Variants in TECPR2 observed in about 807,000 individuals in gnomAD.
TECPR2 encodes the protein tectonin beta-propeller repeat-containing protein 2.
Under a neutral mutation model 138.1 loss-of-function variants are expected in TECPR2, and 65 were observed. The ratio of observed to expected loss-of-function variants is 0.47; its 90% CI spans 0.39 to 0.58. TECPR2 has a LOEUF of 0.58. Among genes scored for constraint, TECPR2 ranks in the 20% least tolerant of loss-of-function variants. TECPR2 has a pLI of 0.00. For synonymous variants in TECPR2, 746 were observed against 749.8 expected (o/e 0.99, Z 0.08); for missense variants, 1,553 against 1,824.5 (o/e 0.85, Z 2.71).
rs1379662575 is a variant in TECPR2 at position 102,425,073 on chromosome 14, G to A, written c.733G>A (p.Ala245Thr). The change falls in exon 6 of 20, where the codon GCT becomes ACT. Residue 245 changes from alanine to threonine, a missense_variant. Transcript: ENST00000359520. ...ASRPGLRLWKADVHGTVQATF... is the reference protein window; with the variant it reads ...ASRPGLRLWKTDVHGTVQATF... ...ACGGCCCGGGCTCCGGCTATGGAAG[G>A]CTGATGTCCACGGGACTGTTCAAGC... The A allele has an allele frequency of 6.2e-7, 1 of 1,614,152 alleles. No homozygotes were observed. The highest frequency in any genetic ancestry group is 1.7e-5 in the Admixed American group (1 of 60,016).
intron 17 of TECPR2, among the ~76,000 whole-genome samples, chr14:102,489,703 C>CA (rs35017559): frequency 0.38 from 51,409 of 133,976 alleles, 10,012 homozygotes; most frequent in African/African-American, 0.45. Context: ...AAAACTGTGT[C>CA]AAAAAAAAAA....
intron 2 of TECPR2, among the ~76,000 whole-genome samples, chr14:102,387,200 T>A (rs1185301959): frequency 2.0e-5 from 3 of 152,238 alleles, no homozygotes; most frequent in Admixed American, 6.5e-5. Context: ...GCAGACCTTT[T>A]CTGTGGTAAA....
At chr14:102,371,509 C>G (rs954946593) in intron 1 of TECPR2, among the ~76,000 whole-genome samples, 1 of 152,184 alleles carries the variant, frequency 6.6e-6, no homozygotes, top group South Asian at 2.1e-4. Flanking sequence ...AGCATGGATT[C>G]TCTTCTGCCC....
chr14:102,376,978 G>A (rs972745889), intron 2 of TECPR2, 38 bp downstream of exon 2: 9 of 1,585,612 alleles, frequency 5.7e-6, no homozygotes, highest in Non-Finnish European at 7.7e-6. Context: ...GGGGGCACGA[G>A]CCATAGCTGA....
Position 102,438,014 on chromosome 14 carries a change from C to T in TECPR2, c.2395-8C>T. The T allele has an allele frequency of 6.2e-7, 1 of 1,612,782 alleles. No individual in the cohort carries two copies. Among genetic ancestry groups the T allele is most frequent in the East Asian group, 2.2e-5 (1 of 44,856 alleles). ...TGCCACAGAACTCACTGGCTCTTCC[C>T]TTGTTAGTTTGCAGAAAGCTGGATG... On this transcript the variant is annotated splice_region_variant and splice_polypyrimidine_tract_variant and intron_variant, in intron 9 of 19. Transcript: ENST00000359520.
chr14:102,371,036 A>T (rs568133534), intron 1 of TECPR2, among the ~76,000 whole-genome samples: 46 of 152,302 alleles, frequency 3.0e-4, no homozygotes, highest in African/African-American at 1.1e-3. Flanking sequence ...CCCATTTCAG[A>T]TGGTAATTGG....
In TECPR2 at chr14:102,428,267, G is replaced by A. The variant is rs2139721346; in HGVS notation, c.969G>A (p.Leu323=). 1 of 753,246 alleles carries A rather than the reference G, an allele frequency of 1.3e-6. No individual in the cohort carries two copies. The highest frequency in any genetic ancestry group is 4.0e-5 in the East Asian group (1 of 24,954). The allele number at this position is 753,246 out of a possible 1,614,324, so 46.7% of individuals were successfully genotyped here. A position where few individuals can be genotyped will look rare whatever the true frequency, so the allele number is the denominator to read the frequency against. Residue 323 remains leucine, a synonymous_variant, in exon 7 of 20, where the codon TTG becomes TTA. Transcript: ENST00000359520. ...TTTGACAGGCCACAGTTGCTGGTTT[G>A]GAAGGATCCGGTGATATTGTGTCTG... ...DTVNQATVAG[L]EGSGDIVSVS... is the part of the protein sequence containing the mutation.
At chr14:102,455,510 G>A (rs138340720) in intron 16 of TECPR2, among the ~76,000 whole-genome samples, 4,146 of 152,226 alleles carry the variant, frequency 0.027, 76 homozygotes, top group Middle Eastern at 0.088. Flanking sequence ...GCAGTGGCAC[G>A]ATCTTGGCTC....
At chr14:102,369,958 AAAAT>A (rs1309324766) in intron 1 of TECPR2, among the ~76,000 whole-genome samples, 3 of 152,174 alleles carry the variant, frequency 2.0e-5, no homozygotes, top group East Asian at 2.0e-4. Flanking sequence ...CTGTCTCAAA[AAAAT>A]AAATAAACAA....
At chr14:102,373,995 C>A (rs867703712) in intron 1 of TECPR2, among the ~76,000 whole-genome samples, 7 of 151,060 alleles carry the variant, frequency 4.6e-5, no homozygotes, top group South Asian at 4.2e-4. Flanking sequence ...GCAGAAGAAC[C>A]CAGGAGGCGA....
intron 1 of TECPR2, among the ~76,000 whole-genome samples, chr14:102,372,984 G>A (rs1887545436): frequency 6.6e-6 from 1 of 152,098 alleles, no homozygotes; most frequent in East Asian, 1.9e-4. Flanking sequence ...TTTTTAAAAA[G>A]TTAAATAAAT....
Position 102,443,765 on chromosome 14 carries a change from G to A in TECPR2, c.2871G>A (p.Leu957=), listed in dbSNP as rs770910435. The A allele has an allele frequency of 2.9e-5, 46 of 1,610,024 alleles. No homozygotes were observed. The highest frequency in any genetic ancestry group is 3.7e-5 in the Non-Finnish European group (43 of 1,177,120). Residue 957 remains leucine, a synonymous_variant, in exon 12 of 20, where the codon CTG becomes CTA. Transcript: ENST00000359520. This position sits in a 1 kb window ranked among gnomAD's most constrained non-coding sequence, Gnocchi z 4.9. ...VWALTEQRAL[L]YREGVSSFCP... The stretch of plus-strand genomic sequence containing the variant: ...CGCTGACAGAGCAGAGGGCCCTCCT[G>A]TACCGGGAGGGCGTGAGCAGCTTCT...
chr14:102,459,837 G>A lies in TECPR2; in HGVS notation c.3641-5304G>A, dbSNP rs552761026. The stretch of plus-strand genomic sequence containing the variant: ...TTCAGCCCTGGTGTTTTCTTTACAA[G>A]TGTCTTCCTGGTTGTATGAGTAGCA... On this transcript the variant is annotated intron_variant, in intron 16 of 19. Transcript: ENST00000359520. Among the ~76,000 whole-genome samples, 13 of 152,292 alleles carry A rather than the reference G, an allele frequency of 8.5e-5. No homozygotes were observed. The East Asian group carries it at 2.5e-3, about 29-fold the overall frequency.
Position 102,449,701 on chromosome 14 carries a change from G to T in TECPR2, c.3148G>T (p.Val1050Leu). ...GACGATAATCCATGCCACTCACTCG[G>T]TGGCCACAGCAGCCCAAGCCCCCGT... ...FQTIIHATHS[V>L]ATAAQAPVEK... The change falls in exon 14 of 20, where the codon GTG (valine) becomes TTG (leucine). Residue 1050 changes from valine (V) to leucine (L), a missense_variant. Transcript: ENST00000359520. 1 of 1,614,118 alleles carries T rather than the reference G, an allele frequency of 6.2e-7. No homozygotes were observed. Among genetic ancestry groups the T allele is most frequent in the South Asian group, 1.1e-5 (1 of 91,084 alleles).
Position 102,431,831 on chromosome 14 carries a change from C to T in TECPR2, c.1120C>T (p.Arg374Cys), listed in dbSNP as rs1404955980. 1.3e-5 allele frequency: 20 copies of T among 1,592,166 alleles called. No homozygotes were observed. Among genetic ancestry groups the T allele is most frequent in the Middle Eastern group, 1.7e-4 (1 of 5,996 alleles). Residue 374 changes from arginine (R) to cysteine (C), a missense_variant, in exon 8 of 20, where the codon CGT (arginine) becomes TGT (cysteine). Physicochemically the swap from Arg to Cys is radical, Grantham distance 180. Coordinates refer to ENST00000359520, the MANE Select transcript of TECPR2 (RefSeq NM_014844.5). ...TCTGGAGATGTCTGGATGCTCAGAG[C>T]GTGTCCACGTGCAGCAAGCGGAGAA... ...DGLEMSGCSE[R>C]VHVQQAEKLP...
intron 16 of TECPR2, among the ~76,000 whole-genome samples, chr14:102,455,692 C>T (rs1004258331): frequency 2.6e-5 from 4 of 152,194 alleles, no homozygotes; most frequent in Non-Finnish European, 1.5e-5. Context: ...CTCACTGCAG[C>T]CTCTGCCTCC....
chr14:102,439,250 G>A (rs1244296350), intron 10 of TECPR2, among the ~76,000 whole-genome samples: 1 of 152,122 alleles, frequency 6.6e-6, no homozygotes, highest in Non-Finnish European at 1.5e-5. Flanking sequence ...CTGGTTTACT[G>A]TCAGGACATT....
At chr14:102,417,989 T>C (rs1595114121) in intron 5 of TECPR2, among the ~76,000 whole-genome samples, 2 of 152,020 alleles carry the variant, frequency 1.3e-5, no homozygotes, top group South Asian at 2.1e-4. Context: ...AGGGAAACCA[T>C]TGACTGAGAT....
At chr14:102,375,264 T>C (rs1887614958) in intron 1 of TECPR2, among the ~76,000 whole-genome samples, 1 of 152,242 alleles carries the variant, frequency 6.6e-6, no homozygotes, top group African/African-American at 2.4e-5. Context: ...GAGGTTCACT[T>C]GAGCCCAGGA....
Sources: gnomAD v4.1 joint callset for allele counts (sites outside exome capture counted in the v4.1 genomes callset) on GRCh38, gnomAD v4.1.1 for gene constraint, Gnocchi (gnomAD v3.1) non-coding constraint, MANE v1.5 for transcripts, NCBI Gene and HGNC (gene_info 2026-07-23, HGNC 2026-07-21) for gene names.